LIPM: variants seen among roughly 807,000 people sequenced by gnomAD.
LIPM encodes lipase family member M.
In LIPM, 42 loss-of-function variants were observed where a neutral mutation model predicts 42.4. The observed-to-expected ratio is 0.99, with a 90% CI of 0.77 to 1.28. The LOEUF is 1.28. Among genes scored for constraint, LIPM ranks in the 50% most tolerant of loss-of-function variants. The pLI is 0.00. For missense variants in LIPM, 524 were observed against 520.1 expected (o/e 1.01, Z -0.07); for synonymous variants, 177 against 173.3 (o/e 1.02, Z -0.17).
chr10:88,812,136 T>C (rs1414876171), intron 2 of LIPM, among the ~76,000 whole-genome samples: 1 of 152,214 alleles, frequency 6.6e-6, no homozygotes, highest in Non-Finnish European at 1.5e-5. Flanking sequence ...TAATTTGCTT[T>C]ATCTGATGTT....
At chr10:88,809,813 C>T (rs144861350) in intron 2 of LIPM, among the ~76,000 whole-genome samples, 4 of 152,232 alleles carry the variant, frequency 2.6e-5, no homozygotes, top group African/African-American at 7.2e-5. Context: ...TGCACAGCTG[C>T]GCCTTATACA....
At chr10:88,815,608 A>T in intron 6 of LIPM, 105 bp downstream of exon 6, 1 of 989,592 alleles carries the variant, frequency 1.0e-6, no homozygotes, top group South Asian at 1.7e-5. Flanking sequence ...CAGAGTAATG[A>T]TATATTCTCA....
intron 3 of LIPM, among the ~76,000 whole-genome samples, chr10:88,813,613 G>A (rs1025342181): frequency 6.6e-6 from 1 of 151,764 alleles, no homozygotes; most frequent in Non-Finnish European, 1.5e-5. Context: ...TAGTACTCCA[G>A]AAGGAAAAGA....
In LIPM at chr10:88,817,837, G is replaced by C; in HGVS notation, c.943G>C (p.Gly315Arg). 1 of 1,551,236 alleles carries C rather than the reference G, an allele frequency of 6.4e-7. No individual in the cohort carries two copies. The highest frequency in any genetic ancestry group is 8.7e-7 in the Non-Finnish European group (1 of 1,146,716). Residue 315 changes from glycine to arginine, a missense_variant, in exon 8 of 9, where the codon GGT becomes CGT. By Grantham distance (125) the Gly-to-Arg change is moderately radical. Transcript: ENST00000404743. ...TGTCTCCTTTTAGGCAGTGAATTCT[G>C]GTGAACTCCGGGCATTTGACTGGGG... ...ILHWSQAVNS[G>R]ELRAFDWGSE...
chr10:88,811,070 C>G (rs1292770397), intron 2 of LIPM, among the ~76,000 whole-genome samples: 4 of 152,154 alleles, frequency 2.6e-5, no homozygotes, highest in South Asian at 2.1e-4. Flanking sequence ...CAAAATGAGG[C>G]AGATGGAATT....
chr10:88,807,159 A>C (rs1210563645), intron 1 of LIPM, among the ~76,000 whole-genome samples: 1 of 152,190 alleles, frequency 6.6e-6, no homozygotes, highest in Non-Finnish European at 1.5e-5. Context: ...TATGTGCATT[A>C]TCTTTTTGCA....
Position 88,813,237 on chromosome 10 carries a change from G to A in LIPM, c.406G>A (p.Ala136Thr), listed in dbSNP as rs764793304. The A allele has an allele frequency of 3.7e-6, 6 of 1,613,032 alleles. No individual in the cohort carries two copies. The highest frequency in any genetic ancestry group is 3.3e-5 in the Admixed American group (2 of 59,886). ...DVWMGNSRGN[A>T]WSRKHKTLSI... is the part of the protein sequence containing the mutation. ...GTGGATGGGGAACAGCAGGGGAAACGCCTGGTCTCGAAAACACAAGACACT... is the reference window on the plus strand; with the variant it reads ...GTGGATGGGGAACAGCAGGGGAAACACCTGGTCTCGAAAACACAAGACACT... The change falls in exon 3 of 9, where the codon GCC becomes ACC. Residue 136 changes from alanine to threonine, a missense_variant. By Grantham distance (58) the Ala-to-Thr change is moderately conservative. Transcript: ENST00000404743.
chr10:88,809,183 G>T (rs977996400), intron 2 of LIPM, among the ~76,000 whole-genome samples: 1 of 151,944 alleles, frequency 6.6e-6, no homozygotes, highest in South Asian at 2.1e-4. Context: ...TTGAACTCCC[G>T]ACCTCAGGTG....
intron 7 of LIPM, among the ~76,000 whole-genome samples, chr10:88,817,140 A>C (rs1419153778): frequency 6.6e-6 from 1 of 152,056 alleles, no homozygotes; most frequent in Non-Finnish European, 1.5e-5. Flanking sequence ...GATCCAAGTG[A>C]GACTTCTCTC....
rs966587923 is a variant in LIPM at position 88,812,968 on chromosome 10, A to G, written c.266-129A>G. 59 of 750,508 alleles carry G rather than the reference A, an allele frequency of 7.9e-5. No individual in the cohort carries two copies. The African/African-American group carries it at 8.9e-4, about 11-fold the overall frequency. 46.5% of individuals were successfully genotyped at this position (750,508 alleles called of 1,614,324 possible). A position where few individuals can be genotyped will look rare whatever the true frequency, so the allele number is the denominator to read the frequency against. ...CAAAGGTCAAGTAATTGGCCAAGAT[A>G]ACTAAGCTAGCAAGCAGCTGAATCA... On this transcript the variant is annotated intron_variant, in intron 2 of 8. Transcript: ENST00000404743.
intron 1 of LIPM, among the ~76,000 whole-genome samples, chr10:88,806,516 T>C (rs1334466569): frequency 6.6e-6 from 1 of 152,208 alleles, no homozygotes; most frequent in African/African-American, 2.4e-5. Flanking sequence ...CAGTGGTTCC[T>C]GAAGGATAGT....
chr10:88,806,947 C>G (rs1032431825), intron 1 of LIPM, among the ~76,000 whole-genome samples: 2 of 152,230 alleles, frequency 1.3e-5, no homozygotes, highest in African/African-American at 4.8e-5. Context: ...CCTCAACCTC[C>G]CAAAGTGCTG....
Position 88,802,750 on chromosome 10 carries a change from A to G in LIPM, c.-147A>G. On this transcript the variant is annotated 5_prime_UTR_variant, in exon 1 of 9. Transcript: ENST00000404743. ...CCAGCCTACTTTGTGTTCTTTCCCTACCAACTAAGCTTGCCTAATTTGCTT... is the reference window on the plus strand; with the variant it reads ...CCAGCCTACTTTGTGTTCTTTCCCTGCCAACTAAGCTTGCCTAATTTGCTT... 1.3e-6 allele frequency: 1 copy of G among 755,290 alleles called. No homozygotes were observed. Among genetic ancestry groups the G allele is most frequent in the South Asian group, 2.0e-5 (1 of 50,338 alleles). 46.8% of individuals were successfully genotyped at this position (755,290 alleles called of 1,614,324 possible). A position where few individuals can be genotyped will look rare whatever the true frequency, so the allele number is the denominator to read the frequency against.
rs555696750 is a variant in LIPM, at chr10:88,812,090, G to T, written c.266-1007G>T. Among the ~76,000 whole-genome samples the T allele has an allele frequency of 8.1e-4, 123 of 152,196 alleles. 2 individuals are homozygous for T. Among genetic ancestry groups the T allele is most frequent in the African/African-American group, 2.9e-3 (120 of 41,534 alleles). ...ACAATTCCTAAGGTTTTGTCTTTTT[G>T]ATTTTTGCATTTTTGAAGAGTTTTG... On this transcript the variant is annotated intron_variant, in intron 2 of 8. Coordinates refer to ENST00000404743, the MANE Select transcript of LIPM (RefSeq NM_001128215.1).
At chr10:88,817,939 A>C (rs1294875303) in intron 8 of LIPM, 43 bp downstream of exon 8, 6 of 1,364,886 alleles carry the variant, frequency 4.4e-6, no homozygotes, top group Non-Finnish European at 6.1e-6. Context: ...TATACATTGG[A>C]AATGTATGAC....
intron 6 of LIPM, among the ~76,000 whole-genome samples, 166 bp downstream of exon 6, chr10:88,815,669 T>C (rs1843711104): frequency 6.6e-6 from 1 of 152,196 alleles, no homozygotes. Context: ...TGCTTCAGTA[T>C]GGACTGAAAC....
chr10:88,809,658 C>T (rs1428337470), intron 2 of LIPM, among the ~76,000 whole-genome samples: 2 of 152,142 alleles, frequency 1.3e-5, no homozygotes, highest in Middle Eastern at 3.2e-3. Flanking sequence ...TGTCTCTCTG[C>T]CATTATAGCC....
intron 2 of LIPM, among the ~76,000 whole-genome samples, chr10:88,810,367 A>G (rs1290893478): frequency 1.3e-5 from 2 of 152,166 alleles, no homozygotes; most frequent in Non-Finnish European, 2.9e-5. Flanking sequence ...GTTTTCTTAC[A>G]TCCTGTTGAT....
At chr10:88,813,926 G>A (rs1020987301) in intron 3 of LIPM, among the ~76,000 whole-genome samples, 4 of 152,058 alleles carry the variant, frequency 2.6e-5, no homozygotes, top group Non-Finnish European at 4.4e-5. Flanking sequence ...CAGCACAGGG[G>A]AAACCACTCC....
Sources: gnomAD v4.1 joint callset for allele counts (sites outside exome capture counted in the v4.1 genomes callset) on GRCh38, gnomAD v4.1.1 for gene constraint, MANE v1.5 for transcripts, NCBI Gene and HGNC (gene_info 2026-07-23, HGNC 2026-07-21) for gene names.